The following GYPB variants were observed in gnomAD, a reference collection of about 807,000 sequenced individuals.
GYPB encodes glycophorin-B.
Under a neutral mutation model 15.3 loss-of-function variants are expected in GYPB, and 13 were observed. The observed-to-expected ratio is 0.85, with a 90% confidence interval of 0.55 to 1.35. The LOEUF is 1.35. GYPB is among the 40% of genes most tolerant of loss of function. The probability of loss-of-function intolerance (pLI) is 0.00; values close to 1 mark genes in which losing one functional copy is unlikely to be tolerated. For synonymous variants in GYPB, 38 were observed against 36.9 expected (o/e 1.03, Z -0.11); for missense variants, 131 against 108.3 (o/e 1.21, Z -0.93).
rs1426598357 is a variant in GYPB, at chr4:144,008,012, G to A, written c.38-6729C>T. ...CTGTATGTCTAAGATAATAATATTT[G>A]TAGTTAACACTTACTGCACACTTAC... On this transcript the variant is annotated intron_variant, in intron 1 of 4. Coordinates refer to ENST00000502664, the MANE Select transcript of GYPB (RefSeq NM_002100.6). Among the ~76,000 whole-genome samples the A allele has an allele frequency of 2.0e-5, 3 of 151,388 alleles. No homozygotes were observed. In the South Asian group the frequency reaches 6.2e-4, roughly 31 times the overall value.
At chr4:144,018,658 TATG>T (rs1453164709) in intron 1 of GYPB, among the ~76,000 whole-genome samples, 11 of 151,468 alleles carry the variant, frequency 7.3e-5, no homozygotes, top group Admixed American at 4.6e-4. Flanking sequence ...ATAATGACCC[TATG>T]ATATTTATTT....
chr4:144,016,123 T>C (rs1183022753), intron 1 of GYPB, among the ~76,000 whole-genome samples: 1 of 109,254 alleles, frequency 9.2e-6, no homozygotes, highest in Non-Finnish European at 1.7e-5. Context: ...CTAGCAAGGC[T>C]CTCTTCTTGG....
intron 1 of GYPB, among the ~76,000 whole-genome samples, chr4:144,011,144 G>T (rs1728199512): frequency 7.3e-6 from 1 of 137,816 alleles, no homozygotes; most frequent in Non-Finnish European, 1.5e-5. Context: ...ATTTTGGGAG[G>T]CTGAGGCAGG....
At chr4:144,009,788 T>G (rs2149965515) in intron 1 of GYPB, among the ~76,000 whole-genome samples, 1 of 150,256 alleles carries the variant, frequency 6.7e-6, no homozygotes, top group East Asian at 1.9e-4. Flanking sequence ...TAATTTTTTG[T>G]ATTTTTAGTA....
At chr4:144,009,675 C>A (rs1234272015) in intron 1 of GYPB, among the ~76,000 whole-genome samples, 1 of 112,560 alleles carries the variant, frequency 8.9e-6, no homozygotes, top group Non-Finnish European at 1.6e-5. Context: ...GTGCAGTGGC[C>A]CGATCTCCGC....
chr4:143,997,624 C>T lies in GYPB; in HGVS notation c.186G>A (p.Val62=). 6.4e-7 allele frequency: 1 copy of T among 1,563,906 alleles called. No individual in the cohort carries two copies. The highest frequency in any genetic ancestry group is 1.1e-5 in the South Asian group (1 of 90,044). ...TCACACACAAAATAATGAGTATTAT[C>T]ACTACAGGAGCTAAAGAGAGCAGCA... is the stretch of plus-strand genomic sequence containing the variant. ...VHRFTVPAPV[V]IILIILCVMA... Residue 62 remains valine, a synonymous_variant, in exon 4 of 5, where the codon GTG becomes GTA. Transcript: ENST00000502664.
chr4:143,997,369 A>AAC (rs1553941244), intron 4 of GYPB, 171 bp downstream of exon 4: 1 of 327,656 alleles, frequency 3.1e-6, no homozygotes. Context: ...GGGCAAATGC[A>AAC]AAAAAAAAAT....
At chr4:144,009,835 G>A (rs555539531) in intron 1 of GYPB, among the ~76,000 whole-genome samples, 20 of 150,410 alleles carry the variant, frequency 1.3e-4, no homozygotes, top group Middle Eastern at 3.4e-3. Context: ...GGACGATCTC[G>A]ATCTCCTGAC....
intron 3 of GYPB, chr4:143,999,134 C>T (rs949398208): frequency 4.0e-5 from 12 of 296,414 alleles, no homozygotes; most frequent in African/African-American, 2.8e-4. Flanking sequence ...TCTCAAATTC[C>T]TGGGCTCAAG....
intron 1 of GYPB, among the ~76,000 whole-genome samples, chr4:144,018,123 T>A (rs866234588): frequency 7.9e-5 from 12 of 151,436 alleles, no homozygotes; most frequent in Admixed American, 1.3e-4. Context: ...ACTTTGTTTC[T>A]GGCATCGCTA....
rs756624435 is a variant in GYPB at position 144,019,332 on chromosome 4, C to T, written c.-45G>A. ...TCCTGAAGTTAGTGCAAAAAAACTA[C>T]CAAAGACAACTGCAAGTGTCAGTGT... is the stretch of plus-strand genomic sequence containing the variant. On this transcript the variant is annotated 5_prime_UTR_variant, in exon 1 of 5. Transcript: ENST00000502664. The T allele has an allele frequency of 3.1e-6, 5 of 1,611,510 alleles. No individual in the cohort carries two copies. Among genetic ancestry groups the T allele is most frequent in the East Asian group, 2.2e-5 (1 of 44,790 alleles).
At chr4:144,001,376 C>T in intron 1 of GYPB, 93 bp from the exon 2 acceptor site, 1 of 1,601,134 alleles carries the variant, frequency 6.2e-7, no homozygotes, top group Non-Finnish European at 8.5e-7. Flanking sequence ...TCTCACATCC[C>T]TCCAGTCCCT....
rs569306829 is a variant in GYPB at position 143,996,222 on chromosome 4, C to T, written c.*77G>A. On this transcript the variant is annotated 3_prime_UTR_variant, in exon 5 of 5. Transcript: ENST00000502664. ...GGCATAAGCAAAGGAATAGCAGGTG[C>T]AGCCAGTTTGCATAAACAAGAGAAC... 8.4e-6 allele frequency: 13 copies of T among 1,549,330 alleles called. No homozygotes were observed. The highest frequency in any genetic ancestry group is 1.1e-5 in the Non-Finnish European group (13 of 1,146,410).
At position 144,001,867 on chromosome 4, in the gene GYPB, G is replaced by T. The variant is rs1369667375; in HGVS notation, c.38-584C>A. The stretch of plus-strand genomic sequence containing the variant: ...TCTTCAATAAAAGTGGAAACAATAA[G>T]AAAACACTATTACATTGCATGAACC... On this transcript the variant is annotated intron_variant, in intron 1 of 4. Coordinates refer to ENST00000502664, the MANE Select transcript of GYPB (RefSeq NM_002100.6). Among the ~76,000 whole-genome samples the T allele has an allele frequency of 1.1e-4, 15 of 138,890 alleles. 1 individual carries two copies. The highest frequency in any genetic ancestry group is 2.4e-4 in the South Asian group (1 of 4,216). The allele number at this position is 138,890 out of a possible 152,430, so 91.1% of individuals were successfully genotyped here.
chr4:144,011,047 G>T (rs1179401763), intron 1 of GYPB, among the ~76,000 whole-genome samples: 1 of 151,538 alleles, frequency 6.6e-6, no homozygotes. Flanking sequence ...ATGGATTATG[G>T]TTTTGTGTTA....
At chr4:143,997,368 C>A (rs1173888113) in intron 4 of GYPB, 172 bp downstream of exon 4, 13 of 433,768 alleles carry the variant, frequency 3.0e-5, no homozygotes, top group African/African-American at 6.5e-5. Flanking sequence ...TGGGCAAATG[C>A]AAAAAAAAAA....
At chr4:144,017,245 GGAA>G (rs986560747) in intron 1 of GYPB, among the ~76,000 whole-genome samples, 4 of 149,994 alleles carry the variant, frequency 2.7e-5, no homozygotes, top group African/African-American at 7.5e-5. Context: ...TTCTCCATTT[GGAA>G]GAAGATCTCT....
In GYPB at chr4:143,996,239, C is replaced by G. The variant is rs1053396; in HGVS notation, c.*60G>C. Reference sequence around the variant, plus strand: ...AGCAGGTGCAGCCAGTTTGCATAAACAAGAGAACAGCAGGTGCAGCCGGTT... The same window carrying G: ...AGCAGGTGCAGCCAGTTTGCATAAAGAAGAGAACAGCAGGTGCAGCCGGTT... On this transcript the variant is annotated 3_prime_UTR_variant, in exon 5 of 5. Coordinates refer to ENST00000502664, the MANE Select transcript of GYPB (RefSeq NM_002100.6). 2.1e-5 allele frequency: 33 copies of G among 1,550,008 alleles called. No individual in the cohort carries two copies. Among genetic ancestry groups the G allele is most frequent in the Non-Finnish European group, 2.8e-5 (32 of 1,146,678 alleles).
At chr4:144,016,403 CCTT>C (rs1313868335) in intron 1 of GYPB, among the ~76,000 whole-genome samples, 29 of 149,738 alleles carry the variant, frequency 1.9e-4, no homozygotes, top group Non-Finnish European at 2.9e-5. Flanking sequence ...TTCTTTCCTT[CCTT>C]CTTTTTTCCT....
Sources: allele counts gnomAD v4.1 joint callset (sites outside exome capture counted in the v4.1 genomes callset), GRCh38; gene constraint gnomAD v4.1.1; transcripts MANE v1.5; gene names NCBI Gene and HGNC (gene_info 2026-07-23, HGNC 2026-07-21).